The following ARHGAP24 variants were observed in gnomAD, a reference collection of about 807,000 sequenced individuals.
ARHGAP24 encodes the protein Rho GTPase activating protein 24.
ARHGAP24 carries 50 observed loss-of-function variants against 76.4 expected under a neutral mutation model. The observed-to-expected ratio is 0.65, with a 90% CI of 0.52 to 0.83. The LOEUF (loss-of-function observed/expected upper bound fraction) is 0.83, where lower values mean the gene tolerates loss of function less well. ARHGAP24 is among the 40% of genes least tolerant of loss of function. The pLI, the probability that ARHGAP24 is intolerant of heterozygous loss-of-function variation, is 0.00. For synonymous variants in ARHGAP24, 345 were observed against 323.3 expected (o/e 1.07, Z -0.72); for missense variants, 930 against 914.2 (o/e 1.02, Z -0.22).
At chr4:85,512,963 G>C (rs1724339912) in intron 1 of ARHGAP24, among the ~76,000 whole-genome samples, 1 of 152,234 alleles carries the variant, frequency 6.6e-6, no homozygotes, top group African/African-American at 2.4e-5. Context: ...CAGAGTGGGT[G>C]TGTGGTCTGT....
intron 1 of ARHGAP24, among the ~76,000 whole-genome samples, chr4:85,553,537 G>C (rs1339893336): frequency 1.3e-5 from 2 of 152,016 alleles, no homozygotes; most frequent in African/African-American, 4.8e-5. Flanking sequence ...AGATAGAAAA[G>C]TTCTCCAAGT....
chr4:85,574,086 G>C (rs1727262067), intron 2 of ARHGAP24, among the ~76,000 whole-genome samples: 1 of 152,012 alleles, frequency 6.6e-6, no homozygotes, highest in Non-Finnish European at 1.5e-5. Context: ...ATCTTAACTT[G>C]CTTTTTGTTT....
intron 1 of ARHGAP24, among the ~76,000 whole-genome samples, chr4:85,529,031 C>T (rs564521530): frequency 4.7e-4 from 72 of 152,114 alleles, no homozygotes; most frequent in Admixed American, 1.1e-3. Flanking sequence ...CTTGACTACT[C>T]CTGAGCTGAT....
At chr4:85,899,892 G>A (rs558950762) in intron 3 of ARHGAP24, among the ~76,000 whole-genome samples, 1 of 152,220 alleles carries the variant, frequency 6.6e-6, no homozygotes, top group East Asian at 1.9e-4. Flanking sequence ...TCAATAAAAA[G>A]TAAAAAGTAA....
chr4:85,573,904 C>T (rs1727251806), intron 2 of ARHGAP24, among the ~76,000 whole-genome samples: 1 of 152,208 alleles, frequency 6.6e-6, no homozygotes, highest in African/African-American at 2.4e-5. Flanking sequence ...TGCTTTTAGT[C>T]AGAGGTATTT....
intron 3 of ARHGAP24, among the ~76,000 whole-genome samples, chr4:85,866,761 T>C (rs945080547): frequency 1.3e-5 from 2 of 152,028 alleles, no homozygotes; most frequent in African/African-American, 2.4e-5. Context: ...CATGGAGACA[T>C]AACCAAGGCA....
At chr4:85,646,727 C>T (rs1050107501) in intron 2 of ARHGAP24, among the ~76,000 whole-genome samples, 2 of 151,968 alleles carry the variant, frequency 1.3e-5, no homozygotes, top group African/African-American at 4.8e-5. Flanking sequence ...TTAGTTTCTG[C>T]AAAAATATAA....
At chr4:85,939,713 A>G (rs1244439308) in intron 4 of ARHGAP24, among the ~76,000 whole-genome samples, 2 of 152,138 alleles carry the variant, frequency 1.3e-5, no homozygotes, top group Non-Finnish European at 2.9e-5. Flanking sequence ...GGAAAAAAAA[A>G]TCCCGAAAGC....
At chr4:85,735,402 A>G (rs1725570196) in intron 3 of ARHGAP24, among the ~76,000 whole-genome samples, 1 of 151,198 alleles carries the variant, frequency 6.6e-6, no homozygotes. Flanking sequence ...CACTCATTCC[A>G]CCAGATTTTT....
At chr4:85,709,622 C>G (rs1022020811) in intron 2 of ARHGAP24, among the ~76,000 whole-genome samples, 3 of 152,018 alleles carry the variant, frequency 2.0e-5, no homozygotes, top group Admixed American at 6.6e-5. Context: ...ATTAATGACC[C>G]CTTGTCAGCA....
chr4:85,683,245 A>C (rs1723293989), intron 2 of ARHGAP24, among the ~76,000 whole-genome samples: 1 of 151,678 alleles, frequency 6.6e-6, no homozygotes, highest in Admixed American at 6.6e-5. Flanking sequence ...AGGGAAAGGG[A>C]ATGTATTATT....
At chr4:85,827,519 T>TAG (rs979885260) in intron 3 of ARHGAP24, among the ~76,000 whole-genome samples, 6 of 124,754 alleles carry the variant, frequency 4.8e-5, no homozygotes, top group Non-Finnish European at 6.9e-5. Context: ...TGTGTGTGTT[T>TAG]AGAGAGAGAG....
chr4:85,553,283 AG>A (rs766483740), intron 1 of ARHGAP24, among the ~76,000 whole-genome samples: 9 of 152,152 alleles, frequency 5.9e-5, no homozygotes, highest in Non-Finnish European at 1.2e-4. Flanking sequence ...ACAGCAGGGA[AG>A]GGGACCCGCA....
intron 8 of ARHGAP24, among the ~76,000 whole-genome samples, chr4:85,989,209 A>G (rs1413237688): frequency 1.3e-5 from 2 of 151,674 alleles, no homozygotes; most frequent in Non-Finnish European, 3.0e-5. Context: ...AACAGAAGTG[A>G]CCTACCAAAG....
At chr4:85,647,169 A>G (rs951939500) in intron 2 of ARHGAP24, among the ~76,000 whole-genome samples, 1 of 152,102 alleles carries the variant, frequency 6.6e-6, no homozygotes, top group African/African-American at 2.4e-5. Flanking sequence ...GTTGGTTTGC[A>G]TGGGAAGAAA....
chr4:85,765,113 C>G (rs1726879672), intron 3 of ARHGAP24, among the ~76,000 whole-genome samples: 1 of 151,920 alleles, frequency 6.6e-6, no homozygotes, highest in Admixed American at 6.6e-5. Context: ...CATTTTAATT[C>G]CTGAAACTAA....
At chr4:85,839,464 T>C (rs28481580) in intron 3 of ARHGAP24, among the ~76,000 whole-genome samples, 1,687 of 152,344 alleles carry the variant, frequency 0.011, 31 homozygotes, top group African/African-American at 0.038. Flanking sequence ...TTTTTTTTCT[T>C]TTTTTGAGAT....
At chr4:85,844,118 T>G (rs1217708167) in intron 3 of ARHGAP24, among the ~76,000 whole-genome samples, 1 of 152,244 alleles carries the variant, frequency 6.6e-6, no homozygotes, top group Non-Finnish European at 1.5e-5. Context: ...CTGAAATACA[T>G]TATTCAATGT....
At chr4:85,821,148 T>C (rs1473177402) in intron 3 of ARHGAP24, among the ~76,000 whole-genome samples, 1 of 152,116 alleles carries the variant, frequency 6.6e-6, no homozygotes, top group Non-Finnish European at 1.5e-5. Context: ...GGAATAGACA[T>C]ATATATGCAT....
Sources: gnomAD v4.1 joint callset for allele counts (sites outside exome capture counted in the v4.1 genomes callset) on GRCh38, gnomAD v4.1.1 for gene constraint, MANE v1.5 for transcripts, NCBI Gene and HGNC (gene_info 2026-07-23, HGNC 2026-07-21) for gene names.